ZNF148: variants seen among roughly 807,000 people sequenced by gnomAD.
The protein encoded by ZNF148 is Beta-Enolase Repressor Factor-1.
A neutral mutation model predicts 67.7 loss-of-function variants in ZNF148; 7 were observed. The ratio of observed to expected loss-of-function variants is 0.10; its 90% CI spans 0.06 to 0.19. The LOEUF (loss-of-function observed/expected upper bound fraction) is 0.19. ZNF148 is among the 10% of genes least tolerant of loss of function. ZNF148 has a pLI of 1.00. For synonymous variants in ZNF148, 333 were observed against 330.7 expected (o/e 1.01, Z -0.08); for missense variants, 583 against 947.1 (o/e 0.62, Z 5.05).
At chr3:125,260,747 T>C (rs1937299694) in intron 7 of ZNF148, among the ~76,000 whole-genome samples, 1 of 152,218 alleles carries the variant, frequency 6.6e-6, no homozygotes, top group Non-Finnish European at 1.5e-5. Flanking sequence ...GCTTATTGTA[T>C]GTAAATTGTA....
At position 125,323,375 on chromosome 3, in the gene ZNF148, G is replaced by C. The variant is rs1386718585; in HGVS notation, c.-83C>G. ...CTGTAGAGTTGAAAAAGAAATCATG[G>C]TTGAGTTTCTACCTTTCATAGGCTT... On this transcript the variant is annotated 5_prime_UTR_variant, in exon 3 of 9. Transcript: ENST00000360647. 1.4e-6 allele frequency: 1 copy of C among 695,926 alleles called. No homozygotes were observed. Among genetic ancestry groups the C allele is most frequent in the Non-Finnish European group, 2.6e-6 (1 of 382,854 alleles). The allele number at this position is 695,926 out of a possible 1,614,324, so 43.1% of individuals were successfully genotyped here. A position where few individuals can be genotyped will look rare whatever the true frequency, so the allele number is the denominator to read the frequency against.
At chr3:125,266,316 G>T (rs565436999) in intron 7 of ZNF148, among the ~76,000 whole-genome samples, 19 of 151,874 alleles carry the variant, frequency 1.3e-4, no homozygotes, top group African/African-American at 4.4e-4. Flanking sequence ...TCAACCTCTT[G>T]TTGGGCCATA....
chr3:125,266,212 G>A (rs149488403), intron 7 of ZNF148, among the ~76,000 whole-genome samples: 63 of 152,150 alleles, frequency 4.1e-4, no homozygotes, highest in Non-Finnish European at 8.5e-4. Context: ...TTTCTCACTC[G>A]ACCAACTGGA....
At chr3:125,312,877 C>A (rs541278832) in intron 4 of ZNF148, among the ~76,000 whole-genome samples, 1 of 151,676 alleles carries the variant, frequency 6.6e-6, no homozygotes, top group Admixed American at 6.6e-5. Flanking sequence ...ATCAAGCAAG[C>A]GGAGGATACA....
intron 7 of ZNF148, among the ~76,000 whole-genome samples, chr3:125,236,230 A>C (rs1936085355): frequency 2.0e-5 from 3 of 152,118 alleles, no homozygotes; most frequent in Admixed American, 2.0e-4. Context: ...ATTAAAAAAA[A>C]ATTTTTTTCT....
intron 7 of ZNF148, among the ~76,000 whole-genome samples, chr3:125,242,985 G>T (rs1333950990): frequency 2.0e-5 from 3 of 152,122 alleles, no homozygotes; most frequent in Non-Finnish European, 2.9e-5. Flanking sequence ...CTTCTCGTTT[G>T]TCCTGCTGGA....
intron 1 of ZNF148, among the ~76,000 whole-genome samples, chr3:125,358,241 A>C (rs1259617591): frequency 6.6e-6 from 1 of 152,180 alleles, no homozygotes; most frequent in Admixed American, 6.5e-5. Context: ...TGAACCCAAA[A>C]GGCAGAGGTT....
chr3:125,252,717 G>A (rs1302041651), intron 7 of ZNF148, among the ~76,000 whole-genome samples: 11 of 150,082 alleles, frequency 7.3e-5, no homozygotes, highest in South Asian at 2.1e-4. Flanking sequence ...GCAGTGAGCC[G>A]AGATTGTGCC....
At chr3:125,312,559 T>C (rs1016894762) in intron 4 of ZNF148, among the ~76,000 whole-genome samples, 7 of 152,158 alleles carry the variant, frequency 4.6e-5, no homozygotes, top group African/African-American at 1.7e-4. Flanking sequence ...AGGCTGATGA[T>C]GATGGAGCAC....
chr3:125,252,766 CAAAAAA>C (rs35108764), intron 7 of ZNF148, among the ~76,000 whole-genome samples: 2 of 123,862 alleles, frequency 1.6e-5, no homozygotes, highest in East Asian at 2.6e-4. Flanking sequence ...GACTCTGTCT[CAAAAAA>C]AAAAAAAAAA....
chr3:125,243,978 T>C (rs1386556553), intron 7 of ZNF148, among the ~76,000 whole-genome samples: 3 of 152,234 alleles, frequency 2.0e-5, no homozygotes, highest in East Asian at 1.9e-4. Flanking sequence ...AAAAGGAAGA[T>C]AAATCTATAC....
At chr3:125,302,133 T>G (rs1939624080) in intron 4 of ZNF148, among the ~76,000 whole-genome samples, 1 of 151,394 alleles carries the variant, frequency 6.6e-6, no homozygotes, top group Non-Finnish European at 1.5e-5. Context: ...TCCCAGCACT[T>G]TGGGAGGCCA....
intron 7 of ZNF148, among the ~76,000 whole-genome samples, chr3:125,239,622 A>T (rs1936253156): frequency 6.6e-6 from 1 of 152,188 alleles, no homozygotes; most frequent in Non-Finnish European, 1.5e-5. Flanking sequence ...AGACCATGAA[A>T]ATGTTAAATA....
intron 1 of ZNF148, among the ~76,000 whole-genome samples, chr3:125,364,890 C>T (rs1942655396): frequency 6.6e-6 from 1 of 152,226 alleles, no homozygotes; most frequent in African/African-American, 2.4e-5. Flanking sequence ...CATTCCTCAA[C>T]ATGAACCCTA....
At chr3:125,352,953 A>T (rs1344227937) in intron 1 of ZNF148, among the ~76,000 whole-genome samples, 1 of 152,138 alleles carries the variant, frequency 6.6e-6, no homozygotes, top group Non-Finnish European at 1.5e-5. Flanking sequence ...CCCAAAACAG[A>T]CCAATACAAA....
rs748305841 is a variant in ZNF148 at position 125,313,423 on chromosome 3, T to A, written c.218A>T (p.Asp73Val). The A allele has an allele frequency of 2.5e-6, 4 of 1,614,040 alleles. No individual in the cohort carries two copies. Among genetic ancestry groups the A allele is most frequent in the Admixed American group, 1.7e-5 (1 of 60,008 alleles). The change falls in exon 4 of 9, where the codon GAT becomes GTT. Residue 73 changes from aspartate to valine, a missense_variant. Coordinates refer to ENST00000360647, the MANE Select transcript of ZNF148 (RefSeq NM_021964.3). ...CATGAGTTCATCATGTGATATCATA[T>A]CCTGTTGTCTCATTTCACTTTCTTG... ...VLQESEMRQQ[D>V]MISHDELMVH...
At chr3:125,280,734 T>C (rs1393972331) in intron 5 of ZNF148, among the ~76,000 whole-genome samples, 1 of 146,218 alleles carries the variant, frequency 6.8e-6, no homozygotes, top group Non-Finnish European at 1.5e-5. Context: ...AAAATAATGA[T>C]TCCTTTTTCA....
chr3:125,328,078 G>C (rs2107704409), intron 2 of ZNF148, among the ~76,000 whole-genome samples: 1 of 151,646 alleles, frequency 6.6e-6, no homozygotes, highest in East Asian at 1.9e-4. Flanking sequence ...TATTTTAAAA[G>C]ATAATTATTT....
chr3:125,251,340 G>A (rs1185239080), intron 7 of ZNF148, among the ~76,000 whole-genome samples: 1 of 152,106 alleles, frequency 6.6e-6, no homozygotes, highest in East Asian at 1.9e-4. Flanking sequence ...TACACAGAAG[G>A]TACCCTCACT....
Sources: gnomAD v4.1 joint callset for allele counts (sites outside exome capture counted in the v4.1 genomes callset) on GRCh38, gnomAD v4.1.1 for gene constraint, MANE v1.5 for transcripts, NCBI Gene and HGNC (gene_info 2026-07-23, HGNC 2026-07-21) for gene names.